MROH1: variants seen among roughly 807,000 people sequenced by gnomAD.
The protein encoded by MROH1 is maestro heat like repeat family member 1.
MROH1 carries 117 observed loss-of-function variants against 116.5 expected under a neutral mutation model. The ratio of observed to expected loss-of-function variants is 1.00; its 90% CI spans 0.86 to 1.17. MROH1 has a LOEUF of 1.17. Ranked by LOEUF, MROH1 falls within the 50% of genes most tolerant of loss-of-function variation. The pLI is 0.00. For missense variants in MROH1, 1,873 were observed against 1,338.5 expected (o/e 1.40, Z -6.23); for synonymous variants, 921 against 583.9 (o/e 1.58, Z -8.32).
chr8:144,235,162 C>A (rs928357246), intron 14 of MROH1, among the ~76,000 whole-genome samples: 2 of 152,178 alleles, frequency 1.3e-5, no homozygotes, highest in Non-Finnish European at 2.9e-5. Context: ...TCCCAAAGTG[C>A]AAGGATTACA....
At chr8:144,202,025 A>C (rs1281631528) in intron 12 of MROH1, among the ~76,000 whole-genome samples, 8 of 151,768 alleles carry the variant, frequency 5.3e-5, no homozygotes, top group Non-Finnish European at 1.2e-4. Flanking sequence ...CTCCAAAAAA[A>C]AAAAAAAAAA....
Position 144,239,630 on chromosome 8 carries a change from C to T in MROH1, c.1649C>T (p.Pro550Leu), listed in dbSNP as rs1840632874. Residue 550 changes from proline to leucine, a missense_variant, in exon 18 of 44, where the codon CCC becomes CTC. By Grantham distance (98) the Pro-to-Leu change is moderately conservative (BLOSUM62 -3). Coordinates refer to ENST00000326134, the MANE Select transcript of MROH1 (RefSeq NM_032450.3). Reference protein sequence around the residue: ...TGRLLVVSSSPYLGDGRGAAA... With the variant: ...TGRLLVVSSSLYLGDGRGAAA... ...TCTTTTCAGGTTGTGTCTTCCAGCCCCTACCTAGGGGACGGACGTGGGGCA... is the reference window on the plus strand; with the variant it reads ...TCTTTTCAGGTTGTGTCTTCCAGCCTCTACCTAGGGGACGGACGTGGGGCA... 1 of 771,894 alleles carries T rather than the reference C, an allele frequency of 1.3e-6. No homozygotes were observed. The highest frequency in any genetic ancestry group is 1.4e-5 in the South Asian group (1 of 72,934). 47.8% of individuals were successfully genotyped at this position (771,894 alleles called of 1,614,324 possible). A position where few individuals can be genotyped will look rare whatever the true frequency, so the allele number is the denominator to read the frequency against.
chr8:144,193,561 C>T (rs1047009076), intron 10 of MROH1, among the ~76,000 whole-genome samples: 2 of 152,182 alleles, frequency 1.3e-5, no homozygotes, highest in Non-Finnish European at 2.9e-5. Flanking sequence ...TAGCAGGTTA[C>T]TGAACCCAAG....
At chr8:144,198,047 CAAAAAAAAA>C (rs11366876) in intron 10 of MROH1, among the ~76,000 whole-genome samples, 1 of 116,822 alleles carries the variant, frequency 8.6e-6, no homozygotes, top group Non-Finnish European at 1.8e-5. Flanking sequence ...AAAACTGTTT[CAAAAAAAAA>C]AAAAAAAAGA....
intron 1 of MROH1, among the ~76,000 whole-genome samples, chr8:144,160,266 G>C (rs540724975): frequency 6.6e-6 from 1 of 152,142 alleles, no homozygotes; most frequent in Admixed American, 6.6e-5. Flanking sequence ...GACTGATTTG[G>C]TTGTTTACTG....
intron 29 of MROH1, among the ~76,000 whole-genome samples, chr8:144,246,025 CCCTCACCTCCCTCCCTT>C (rs1453495518): frequency 0.058 from 6,646 of 114,290 alleles, 747 homozygotes; most frequent in African/African-American, 0.2. Flanking sequence ...TTCCCTCCCT[CCCTCACCTCCCTCCCTT>C]CCTCCCCTCC....
chr8:144,259,809 C>T lies in MROH1; in HGVS notation c.4045-102C>T. On this transcript the variant is annotated intron_variant, in intron 37 of 43. Transcript: ENST00000326134. ...GGAGTAGGTGCTCCACCTCTGTCTG[C>T]CACACCGGCGTGGGGACAGCCTCTG... 5 of 703,112 alleles carry T rather than the reference C, an allele frequency of 7.1e-6. No homozygotes were observed. In the Admixed American group the frequency reaches 8.0e-5, roughly 11 times the overall value. The allele number at this position is 703,112 out of a possible 1,614,324, so 43.6% of individuals were successfully genotyped here.
intron 43 of MROH1, 118 bp from the exon 44 acceptor site, chr8:144,261,537 G>A (rs1554835888): frequency 2.5e-5 from 17 of 689,328 alleles, no homozygotes; most frequent in East Asian, 5.4e-5. Flanking sequence ...AAGGAAAAAC[G>A]ATCTTTCCGT....
intron 7 of MROH1, among the ~76,000 whole-genome samples, chr8:144,181,758 A>G (rs890005656): frequency 6.6e-6 from 1 of 152,098 alleles, no homozygotes; most frequent in Non-Finnish European, 1.5e-5. Context: ...GGGGCGCAGG[A>G]CGTGCCATCC....
intron 7 of MROH1, among the ~76,000 whole-genome samples, chr8:144,190,164 C>T (rs532133541): frequency 3.9e-5 from 6 of 152,332 alleles, no homozygotes; most frequent in African/African-American, 1.4e-4. Context: ...CCTGCCTCTG[C>T]ATCTCTTCTT....
At chr8:144,170,017 G>A (rs1406337834) in intron 4 of MROH1, among the ~76,000 whole-genome samples, 1 of 152,194 alleles carries the variant, frequency 6.6e-6, no homozygotes, top group African/African-American at 2.4e-5. Context: ...TGTTTTAGTA[G>A]AGATGGGGTT....
At chr8:144,176,359 C>T (rs528812246) in intron 4 of MROH1, among the ~76,000 whole-genome samples, 10 of 124,600 alleles carry the variant, frequency 8.0e-5, no homozygotes, top group Admixed American at 7.4e-4. Flanking sequence ...GGTGACAGAG[C>T]GAGACTGCAT....
At chr8:144,213,424 G>A (rs979971492) in intron 12 of MROH1, 3 of 258,256 alleles carry the variant, frequency 1.2e-5, no homozygotes, top group Non-Finnish European at 2.2e-5. Context: ...CTGGCAGAGA[G>A]TTGCCAGATT....
At chr8:144,184,466 G>C (rs1277353104) in intron 7 of MROH1, among the ~76,000 whole-genome samples, 2 of 152,228 alleles carry the variant, frequency 1.3e-5, no homozygotes, top group Non-Finnish European at 2.9e-5. Context: ...AATTTGGATT[G>C]ATGAGATACA....
At chr8:144,192,430 C>A (rs1328989829) in intron 10 of MROH1, 29 bp downstream of exon 10, 2 of 1,540,862 alleles carry the variant, frequency 1.3e-6, no homozygotes, top group African/African-American at 2.7e-5. Context: ...GGGGCGGGTC[C>A]AGGTTCTGCA....
At chr8:144,167,635 G>A (rs369838562) in intron 3 of MROH1, among the ~76,000 whole-genome samples, 4 of 152,280 alleles carry the variant, frequency 2.6e-5, no homozygotes, top group East Asian at 3.9e-4. Flanking sequence ...GGGATGCTTG[G>A]CCTGCCCTTT....
In MROH1 at chr8:144,261,698, G is replaced by A. The variant is rs1423979466; in HGVS notation, c.4884G>A (p.Thr1628=). The change falls in exon 44 of 44, where the codon ACG becomes ACA. Residue 1628 remains threonine (T), a synonymous_variant. Transcript: ENST00000326134. ...LLKDPAPEVR[T]RAAEALGRLV... ...AGGACCCGGCCCCCGAGGTGCGGAC[G>A]AGGGCTGCTGAGGCCCTGGGCCGCC... 44 of 726,524 alleles carry A rather than the reference G, an allele frequency of 6.1e-5. 1 individual carries two copies. Among genetic ancestry groups the A allele is most frequent in the Admixed American group, 4.9e-4 (27 of 54,554 alleles). The allele number at this position is 726,524 out of a possible 1,614,324, so 45.0% of individuals were successfully genotyped here.
At chr8:144,254,170 TC>T (rs1843297652) in intron 33 of MROH1, among the ~76,000 whole-genome samples, 3 of 152,214 alleles carry the variant, frequency 2.0e-5, no homozygotes, top group Non-Finnish European at 4.4e-5. Flanking sequence ...TTTTTTATCT[TC>T]CTATTCACTG....
chr8:144,236,896 CTTTTTTTTTTTTT>C (rs1164804321), intron 14 of MROH1, among the ~76,000 whole-genome samples: 4 of 69,320 alleles, frequency 5.8e-5, no homozygotes, highest in Non-Finnish European at 8.2e-5. Context: ...TCTCCTATTC[CTTTTTTTTTTTTT>C]TTTTTTTTTT....
Sources: allele counts gnomAD v4.1 joint callset (sites outside exome capture counted in the v4.1 genomes callset), GRCh38; gene constraint gnomAD v4.1.1; transcripts MANE v1.5; gene names NCBI Gene and HGNC (gene_info 2026-07-23, HGNC 2026-07-21).